RBFOX3: variants seen among roughly 807,000 people sequenced by gnomAD.
RBFOX3 encodes RNA binding fox-1 homolog 3.
RBFOX3 carries 17 observed loss-of-function variants against 48.7 expected under a neutral mutation model. That is an observed-to-expected ratio of 0.35 (90% CI 0.24 to 0.52). RBFOX3 has a LOEUF of 0.52. Among genes scored for constraint, RBFOX3 ranks in the 20% least tolerant of loss-of-function variants. The pLI is 0.94. For missense variants in RBFOX3, 382 were observed against 497.5 expected (o/e 0.77, Z 2.21); for synonymous variants, 212 against 209.5 (o/e 1.01, Z -0.10).
rs1344110936 is a variant in RBFOX3, at chr17:79,588,816, C to T, written c.-320+22010G>A. 9.7e-4 allele frequency among the ~76,000 whole-genome samples: 110 copies of T among 113,234 alleles called. No individual in the cohort carries two copies. The East Asian group carries it at 0.024, about 25-fold the overall frequency. The allele number at this position is 113,234 out of a possible 152,430, so 74.3% of individuals were successfully genotyped here. A position where few individuals can be genotyped will look rare whatever the true frequency, so the allele number is the denominator to read the frequency against. ...TATAGTGAGACCCCATCCTGAACTT[C>T]GACCTGGGCAATATAGCGAGATCCC... On this transcript the variant is annotated intron_variant, in intron 1 of 14. Coordinates refer to ENST00000693108, the MANE Select transcript of RBFOX3 (RefSeq NM_001350451.2).
At chr17:79,519,899 C>T (rs902339351) in intron 1 of RBFOX3, among the ~76,000 whole-genome samples, 5 of 152,214 alleles carry the variant, frequency 3.3e-5, no homozygotes. Flanking sequence ...CCCCGGGACC[C>T]TGCCCTGCCT....
chr17:79,612,422 G>C (rs2093975788), upstream of RBFOX3, among the ~76,000 whole-genome samples: 1 of 152,118 alleles, frequency 6.6e-6, no homozygotes, highest in African/African-American at 2.4e-5. Flanking sequence ...GCCAGGAAGA[G>C]GGGAGTATGG....
In RBFOX3 at chr17:79,585,110, G is replaced by A. The variant is rs2093204855; in HGVS notation, c.-320+25716C>T. Among the ~76,000 whole-genome samples, 3 of 152,228 alleles carry A rather than the reference G, an allele frequency of 2.0e-5. No individual in the cohort carries two copies. The South Asian group carries it at 6.2e-4, about 32-fold the overall frequency. On this transcript the variant is annotated intron_variant, in intron 1 of 14. Coordinates refer to ENST00000693108, the MANE Select transcript of RBFOX3 (RefSeq NM_001350451.2). ...CTCTGGGGAAAGTGTGGGGGGTGGT[G>A]AGGGGATAAAAGACGACACACTGAG...
At position 79,243,671 on chromosome 17, in the gene RBFOX3, C is replaced by CCCA. The variant is rs1173412626; in HGVS notation, c.-73-7869_-73-7867dup. Among the ~76,000 whole-genome samples the CCCA allele has an allele frequency of 1.3e-5, 2 of 152,038 alleles. No individual in the cohort carries two copies. The highest frequency in any genetic ancestry group is 4.8e-5 in the African/African-American group (2 of 41,398). ...CTGTGGACTGAACTGAACTCACTGG[C>CCCA]CCACCCCTGAGCACCCTTGACAACA... On this transcript the variant is annotated intron_variant, in intron 3 of 14. Transcript: ENST00000693108. The surrounding 1 kb of genome is among the most constrained non-coding windows in gnomAD (Gnocchi z 7.9).
chr17:79,500,882 G>A (rs1308417328), intron 1 of RBFOX3, among the ~76,000 whole-genome samples: 4 of 152,162 alleles, frequency 2.6e-5, no homozygotes, highest in South Asian at 2.1e-4. Context: ...GGACACGTTT[G>A]CTTGTGTGCC....
At chr17:79,463,186 C>T (rs2075683043) in intron 2 of RBFOX3, among the ~76,000 whole-genome samples, 1 of 147,934 alleles carries the variant, frequency 6.8e-6, no homozygotes, top group African/African-American at 2.5e-5. Flanking sequence ...CCGCCATCGC[C>T]ACTGCCACCG....
intron 2 of RBFOX3, among the ~76,000 whole-genome samples, chr17:79,318,346 C>T (rs2077833367): frequency 6.6e-6 from 1 of 152,170 alleles, no homozygotes; most frequent in Non-Finnish European, 1.5e-5. Flanking sequence ...GATGAAACTG[C>T]TGGGGGCAGA....
intron 2 of RBFOX3, among the ~76,000 whole-genome samples, chr17:79,347,478 C>T (rs1017265229): frequency 1.3e-5 from 2 of 152,106 alleles, no homozygotes; most frequent in African/African-American, 4.8e-5. Flanking sequence ...TTCTATGATC[C>T]ACATGTTAAC....
At chr17:79,450,070 G>A (rs1279491768) in intron 2 of RBFOX3, among the ~76,000 whole-genome samples, 7 of 151,798 alleles carry the variant, frequency 4.6e-5, no homozygotes, top group Non-Finnish European at 1.0e-4. Flanking sequence ...ACGATGGGAC[G>A]TTTCTAACAC....
At chr17:79,229,852 T>G (rs1453290171) in intron 4 of RBFOX3, among the ~76,000 whole-genome samples, 1 of 152,202 alleles carries the variant, frequency 6.6e-6, no homozygotes, top group Non-Finnish European at 1.5e-5. Context: ...AAGCCTCAGT[T>G]TCCTCATCTG....
chr17:79,512,570 CCCAGATACATGTTA>C (rs1450167783), intron 1 of RBFOX3, among the ~76,000 whole-genome samples: 2 of 149,194 alleles, frequency 1.3e-5, no homozygotes, highest in Admixed American at 1.3e-4. Context: ...GGGACACCCA[CCCAGATACATGTTA>C]CCATCGGGTA....
intron 2 of RBFOX3, among the ~76,000 whole-genome samples, chr17:79,338,516 C>T (rs960114564): frequency 6.6e-6 from 1 of 152,092 alleles, no homozygotes; most frequent in African/African-American, 2.4e-5. Flanking sequence ...GGGTTTGGAT[C>T]CCCCATAATT....
At chr17:79,663,341 C>T in the RBFOX3 span, among the ~76,000 whole-genome samples, 1 of 152,324 alleles carries the variant, frequency 6.6e-6, no homozygotes, top group South Asian at 2.1e-4. Context: ...AATCTATTCG[C>T]CTTTTCATCA....
intron 4 of RBFOX3, among the ~76,000 whole-genome samples, chr17:79,141,784 G>T (rs1463231989): frequency 2.6e-5 from 4 of 152,162 alleles, no homozygotes; most frequent in Non-Finnish European, 5.9e-5. Context: ...TAACACAGGT[G>T]AGCGGACGAC....
At position 79,329,122 on chromosome 17, in the gene RBFOX3, G is replaced by A. The variant is rs547277477; in HGVS notation, c.-174-21298C>T. ...CCACTAAATCCCAGCCCTGGCTCCC[G>A]CAGGGCCAGGCCTCTCCAGGGAACC... On this transcript the variant is annotated intron_variant, in intron 2 of 14. Transcript: ENST00000693108. Among the ~76,000 whole-genome samples, 217 of 152,210 alleles carry A rather than the reference G, an allele frequency of 1.4e-3. 2 individuals carry two copies. The highest frequency in any genetic ancestry group is 4.9e-3 in the African/African-American group (202 of 41,546).
In RBFOX3 at chr17:79,161,369, G is replaced by C. The variant is rs2145325499; in HGVS notation, c.-33-45621C>G. 2.0e-5 allele frequency among the ~76,000 whole-genome samples: 3 copies of C among 152,292 alleles called. No homozygotes were observed. In the East Asian group the frequency reaches 5.8e-4, roughly 29 times the overall value. Reference sequence around the variant, plus strand: ...CCAATGAACCCTTCATGGAGGCCTGGAAGCACCGCATGGCTCCAGCACACA... The same window carrying C: ...CCAATGAACCCTTCATGGAGGCCTGCAAGCACCGCATGGCTCCAGCACACA... On this transcript the variant is annotated intron_variant, in intron 4 of 14. Transcript: ENST00000693108.
At chr17:79,567,648 T>C (rs1269921654) in intron 1 of RBFOX3, among the ~76,000 whole-genome samples, 1 of 152,176 alleles carries the variant, frequency 6.6e-6, no homozygotes, top group Non-Finnish European at 1.5e-5. Context: ...CTATTATGTG[T>C]CAACTAAAAA....
chr17:79,484,818 A>T (rs1238431666), intron 1 of RBFOX3, among the ~76,000 whole-genome samples: 1 of 152,116 alleles, frequency 6.6e-6, no homozygotes, highest in Non-Finnish European at 1.5e-5. Flanking sequence ...GAAGATCTGC[A>T]CCTAGCCTCC....
At chr17:79,528,745 G>A (rs1034287194) in intron 1 of RBFOX3, among the ~76,000 whole-genome samples, 17 of 152,046 alleles carry the variant, frequency 1.1e-4, no homozygotes, top group East Asian at 5.8e-4. Context: ...GGAGCACTGC[G>A]GGCTGCTGGG....
Sources: gnomAD v4.1 joint callset for allele counts (sites outside exome capture counted in the v4.1 genomes callset) on GRCh38, gnomAD v4.1.1 for gene constraint, Gnocchi (gnomAD v3.1) non-coding constraint, MANE v1.5 for transcripts, NCBI Gene and HGNC (gene_info 2026-07-23, HGNC 2026-07-21) for gene names.